RSRC1: variants seen among roughly 807,000 people sequenced by gnomAD.
RSRC1 encodes arginine and serine rich coiled-coil 1, also known as serine/Arginine-related protein 53.
A neutral mutation model predicts 49.1 loss-of-function variants in RSRC1; 39 were observed. The ratio of observed to expected loss-of-function variants is 0.79; its 90% CI spans 0.61 to 1.04. The LOEUF (loss-of-function observed/expected upper bound fraction) is 1.04, where lower values mean the gene tolerates loss of function less well. Among genes scored for constraint, RSRC1 ranks in the 50% least tolerant of loss-of-function variants. RSRC1 has a pLI of 0.00. For missense variants in RSRC1, 388 were observed against 402.4 expected (o/e 0.96, Z 0.31); for synonymous variants, 143 against 130.8 (o/e 1.09, Z -0.63).
intron 7 of RSRC1, among the ~76,000 whole-genome samples, chr3:158,518,048 A>G (rs1443156214): frequency 7.3e-6 from 1 of 137,322 alleles, no homozygotes; most frequent in African/African-American, 2.7e-5. Flanking sequence ...ATACAATTTG[A>G]TTTCATTTAT....
chr3:158,219,188 A>G (rs1213030662), intron 4 of RSRC1, among the ~76,000 whole-genome samples: 1 of 151,604 alleles, frequency 6.6e-6, no homozygotes, highest in African/African-American at 2.4e-5. Flanking sequence ...AACCATTTTT[A>G]TTCCTCTTTT....
chr3:158,301,994 T>G (rs868215969), intron 5 of RSRC1, among the ~76,000 whole-genome samples: 4,727 of 150,238 alleles, frequency 0.031, 241 homozygotes, highest in African/African-American at 0.11. Context: ...TTTTTTTGTT[T>G]TTTTTTTTTG....
At chr3:158,518,455 C>T (rs12489496) in intron 7 of RSRC1, among the ~76,000 whole-genome samples, 77,314 of 149,900 alleles carry the variant, frequency 0.52, 20,352 homozygotes, top group African/African-American at 0.62. Context: ...CATAGATTTT[C>T]TTTTAACTTC....
At chr3:158,337,896 A>C (rs73874378) in intron 5 of RSRC1, among the ~76,000 whole-genome samples, 11,179 of 152,330 alleles carry the variant, frequency 0.073, 484 homozygotes, top group South Asian at 0.13. Flanking sequence ...TGATGATTAC[A>C]TGGAGAAGGA....
At chr3:158,525,812 A>G (rs552683574) in intron 7 of RSRC1, among the ~76,000 whole-genome samples, 24 of 152,096 alleles carry the variant, frequency 1.6e-4, no homozygotes, top group South Asian at 1.0e-3. Flanking sequence ...TGCAATTTAT[A>G]TGGAAGTCTA....
At chr3:158,119,384 C>G (rs1350807615) in intron 1 of RSRC1, among the ~76,000 whole-genome samples, 1 of 152,122 alleles carries the variant, frequency 6.6e-6, no homozygotes, top group African/African-American at 2.4e-5. Flanking sequence ...CTGTTGTTTT[C>G]TAGTCTCTAT....
chr3:158,230,011 C>T (rs1284511745), intron 4 of RSRC1, among the ~76,000 whole-genome samples: 3 of 152,060 alleles, frequency 2.0e-5, no homozygotes, highest in African/African-American at 7.2e-5. Flanking sequence ...AATCACAGCT[C>T]CCCTTCACCT....
intron 6 of RSRC1, among the ~76,000 whole-genome samples, chr3:158,427,957 T>C (rs1354452408): frequency 2.0e-5 from 3 of 151,848 alleles, no homozygotes; most frequent in Non-Finnish European, 4.4e-5. Flanking sequence ...TTTACATTAT[T>C]TGAAACTGTT....
At chr3:158,403,363 TAG>T (rs1020609409) in intron 6 of RSRC1, among the ~76,000 whole-genome samples, 10 of 151,836 alleles carry the variant, frequency 6.6e-5, no homozygotes, top group Non-Finnish European at 3.0e-5. Context: ...CTTTCTTTTT[TAG>T]AGACACTGAA....
At chr3:158,243,163 G>A (rs1095630) in intron 4 of RSRC1, among the ~76,000 whole-genome samples, 93,389 of 151,988 alleles carry the variant, frequency 0.61, 29,063 homozygotes, top group East Asian at 0.73. Context: ...GTTTTCTTCT[G>A]AAGTTTTTAT....
At chr3:158,386,764 TG>T (rs1373029490) in intron 6 of RSRC1, among the ~76,000 whole-genome samples, 2 of 150,496 alleles carry the variant, frequency 1.3e-5, no homozygotes, top group African/African-American at 4.9e-5. Context: ...CCTCTTAAAA[TG>T]GGGAAGAGGT....
intron 4 of RSRC1, chr3:158,225,844 G>A (rs1578214652): frequency 3.3e-6 from 1 of 303,096 alleles, no homozygotes; most frequent in Non-Finnish European, 6.5e-6. Flanking sequence ...GTCCAACCTG[G>A]AAGGTGGAAA....
At chr3:158,498,001 C>T (rs1361427998) in intron 7 of RSRC1, among the ~76,000 whole-genome samples, 2 of 152,114 alleles carry the variant, frequency 1.3e-5, no homozygotes, top group Non-Finnish European at 2.9e-5. Flanking sequence ...TCACGATTTG[C>T]ACTTATGAAT....
intron 6 of RSRC1, among the ~76,000 whole-genome samples, chr3:158,445,662 A>T (rs746897550): frequency 2.9e-4 from 44 of 152,028 alleles, no homozygotes; most frequent in Non-Finnish European, 7.4e-5. Context: ...AACAACAACA[A>T]CGAAAAAAAC....
chr3:158,241,120 C>G (rs998156245), intron 4 of RSRC1, among the ~76,000 whole-genome samples: 3 of 152,002 alleles, frequency 2.0e-5, no homozygotes, highest in Non-Finnish European at 2.9e-5. Context: ...ATAGAACACC[C>G]TATTTATTAC....
At chr3:158,244,847 A>G (rs533509095) in intron 4 of RSRC1, among the ~76,000 whole-genome samples, 9 of 152,098 alleles carry the variant, frequency 5.9e-5, no homozygotes, top group Admixed American at 1.3e-4. Context: ...TACTGGTTCC[A>G]TCTTTGGACG....
chr3:158,477,535 G>A (rs763812593), intron 7 of RSRC1, among the ~76,000 whole-genome samples: 9 of 152,060 alleles, frequency 5.9e-5, no homozygotes, highest in Non-Finnish European at 1.2e-4. Flanking sequence ...TAGCAATAAA[G>A]TATGTTTTAA....
At chr3:158,240,040 A>G (rs771489042) in intron 4 of RSRC1, among the ~76,000 whole-genome samples, 8 of 152,156 alleles carry the variant, frequency 5.3e-5, no homozygotes, top group Non-Finnish European at 7.4e-5. Context: ...TTCCTGTAAT[A>G]TATTTGTCTT....
chr3:158,173,813 T>A (rs1022307981), intron 3 of RSRC1, among the ~76,000 whole-genome samples: 1 of 151,980 alleles, frequency 6.6e-6, no homozygotes, highest in East Asian at 1.9e-4. Context: ...ATGACATGAA[T>A]GGACTTGAAA....
Sources: allele counts gnomAD v4.1 joint callset (sites outside exome capture counted in the v4.1 genomes callset), GRCh38; gene constraint gnomAD v4.1.1; transcripts MANE v1.5; gene names NCBI Gene and HGNC (gene_info 2026-07-23, HGNC 2026-07-21).